The following COL4A2 variants were observed in gnomAD, a reference collection of about 807,000 sequenced individuals.
The protein encoded by COL4A2 is collagen type IV alpha 2 chain.
A neutral mutation model predicts 200.2 loss-of-function variants in COL4A2; 99 were observed. That is an observed-to-expected ratio of 0.49 (90% CI 0.42 to 0.58). The LOEUF (loss-of-function observed/expected upper bound fraction) is 0.58. COL4A2 is among the 20% of genes least tolerant of loss of function. The probability of loss-of-function intolerance (pLI) is 0.00; values close to 1 mark genes in which losing one functional copy is unlikely to be tolerated. For missense variants in COL4A2, 1,950 were observed against 2,314.1 expected (o/e 0.84, Z 3.23); for synonymous variants, 897 against 900.6 (o/e 1.00, Z 0.07).
In COL4A2 at chr13:110,307,642, T is replaced by G; in HGVS notation, c.-45+114T>G. 2 of 548,554 alleles carry G rather than the reference T, an allele frequency of 3.6e-6. No individual in the cohort carries two copies. Among genetic ancestry groups the G allele is most frequent in the East Asian group, 3.0e-5 (1 of 33,322 alleles). 34.0% of individuals were successfully genotyped at this position (548,554 alleles called of 1,614,324 possible). On this transcript the variant is annotated intron_variant, in intron 1 of 47. Transcript: ENST00000360467. The surrounding 1 kb of genome is among the most constrained non-coding windows in gnomAD (Gnocchi z 5.0). ...TGCTTGGGAGTAGAAAGGGGGAGGG[T>G]GGGAGAGCGAAGACCGAGCTCCTCG...
chr13:110,424,598 G>T, intron 4 of COL4A2, 136 bp from the exon 5 acceptor site: 2 of 533,642 alleles, frequency 3.7e-6, no homozygotes, highest in Non-Finnish European at 6.6e-6. Context: ...GTAGATGATA[G>T]TTTACATATA....
At chr13:110,486,582 G>C (rs115542960) in intron 34 of COL4A2, among the ~76,000 whole-genome samples, 3,096 of 152,326 alleles carry the variant, frequency 0.02, 102 homozygotes, top group African/African-American at 0.069. Context: ...GAAGGTCTGG[G>C]CCCCTTGATG....
rs1349161442 is a variant in COL4A2 at position 110,465,412 on chromosome 13, G to C, written c.1784G>C (p.Gly595Ala). Reference protein sequence around the residue: ...FPGLPGPPGDGIKGPPGDPGY... With the variant: ...FPGLPGPPGDAIKGPPGDPGY... ...AACTGAATTTTCACACAGGGTGATG[G>C]CATCAAGGGCCCTCCAGGGGACCCA... Residue 595 changes from glycine to alanine, a missense_variant, in exon 25 of 48, where the codon GGC (glycine) becomes GCC (alanine). Gly to Ala is a moderately conservative substitution (Grantham distance 60). Around this residue, in one of 2 missense-constraint regions of COL4A2, gnomAD observed 1,385 missense variants for 1,720.5 expected, o/e 0.80. Transcript: ENST00000360467. 9 of 1,605,598 alleles carry C rather than the reference G, an allele frequency of 5.6e-6. No homozygotes were observed. The highest frequency in any genetic ancestry group is 1.1e-5 in the South Asian group (1 of 89,562).
At chr13:110,495,539 G>C in intron 40 of COL4A2, 72 bp downstream of exon 40, 2 of 1,553,312 alleles carry the variant, frequency 1.3e-6, no homozygotes, top group Non-Finnish European at 1.7e-6. Flanking sequence ...GGGCCATGGA[G>C]TGTCTATGGG....
At chr13:110,468,180 T>C (rs1435896788) in intron 27 of COL4A2, 1 of 471,180 alleles carries the variant, frequency 2.1e-6, no homozygotes, top group East Asian at 7.0e-5. Context: ...GTCTTCGGAG[T>C]GCACCGTGAT....
intron 4 of COL4A2, among the ~76,000 whole-genome samples, chr13:110,366,961 A>G (rs1877782816): frequency 6.6e-6 from 1 of 152,114 alleles, no homozygotes; most frequent in Non-Finnish European, 1.5e-5. Context: ...CAGAGGTCTG[A>G]CTCACCTGGG....
intron 3 of COL4A2, among the ~76,000 whole-genome samples, chr13:110,320,503 GA>G (rs1363069067): frequency 6.6e-6 from 1 of 152,128 alleles, no homozygotes. Context: ...TTTAATCCAA[GA>G]ATTCTTTACT....
At position 110,469,199 on chromosome 13, in the gene COL4A2, G is replaced by C; in HGVS notation, c.2096-18G>C. 6.4e-7 allele frequency: 1 copy of C among 1,569,274 alleles called. No individual in the cohort carries two copies. Among genetic ancestry groups the C allele is most frequent in the Non-Finnish European group, 8.7e-7 (1 of 1,155,814 alleles). On this transcript the variant is annotated intron_variant, in intron 27 of 47. Transcript: ENST00000360467. ...CTCGTGGAGCCTGATGTGGTTTGTGGTTTATTTGGTTATTTAGGTGCCAAA... is the reference window on the plus strand; with the variant it reads ...CTCGTGGAGCCTGATGTGGTTTGTGCTTTATTTGGTTATTTAGGTGCCAAA...
chr13:110,318,342 ATC>A (rs1461232919), intron 3 of COL4A2, among the ~76,000 whole-genome samples: 1 of 152,178 alleles, frequency 6.6e-6, no homozygotes, highest in East Asian at 1.9e-4. Context: ...TTGTCCAAAT[ATC>A]TGACCCAACT....
intron 4 of COL4A2, among the ~76,000 whole-genome samples, chr13:110,400,796 C>T (rs1269119577): frequency 1.3e-5 from 2 of 152,196 alleles, no homozygotes; most frequent in Non-Finnish European, 2.9e-5. Context: ...CCCACGTACA[C>T]ATATTCTGGT....
intron 27 of COL4A2, chr13:110,468,073 G>A (rs1042707650): frequency 4.7e-5 from 21 of 447,776 alleles, no homozygotes; most frequent in Non-Finnish European, 6.6e-5. Flanking sequence ...ACTGCTTCCC[G>A]TGATAAACTG....
At chr13:110,454,683 C>T (rs1881655692) in intron 20 of COL4A2, among the ~76,000 whole-genome samples, 1 of 152,128 alleles carries the variant, frequency 6.6e-6, no homozygotes, top group Admixed American at 6.5e-5. Context: ...CGACATCTCT[C>T]CCCTGAAGTC....
intron 3 of COL4A2, among the ~76,000 whole-genome samples, chr13:110,316,915 AAT>A (rs1167401066): frequency 7.9e-5 from 12 of 152,162 alleles, no homozygotes; most frequent in African/African-American, 2.4e-4. Context: ...ATATGTAGAA[AAT>A]ATGTTATCAA....
In COL4A2 at chr13:110,503,251, G is replaced by T. The variant is rs550468643; in HGVS notation, c.4008G>T (p.Arg1336Ser). The T allele has an allele frequency of 6.2e-7, 1 of 1,609,784 alleles. No homozygotes were observed. The highest frequency in any genetic ancestry group is 1.3e-5 in the African/African-American group (1 of 74,640). Residue 1336 changes from arginine (R) to serine (S), a missense_variant, in exon 42 of 48, where the codon AGG (arginine) becomes AGT (serine). Around this residue, in one of 2 missense-constraint regions of COL4A2, gnomAD observed 1,385 missense variants for 1,720.5 expected, o/e 0.80. Coordinates refer to ENST00000360467, the MANE Select transcript of COL4A2 (RefSeq NM_001846.4). ...GWAGDSGPQG[R>S]PGVFGLPGEK... ...CCGGGGACTCCGGGCCCCAGGGCAGGCCTGGTGTGTTTGGTCTCCCAGGAG... is the reference window on the plus strand; with the variant it reads ...CCGGGGACTCCGGGCCCCAGGGCAGTCCTGGTGTGTTTGGTCTCCCAGGAG...
At chr13:110,424,652 T>A (rs1467789417) in intron 4 of COL4A2, 82 bp from the exon 5 acceptor site, 183 of 774,486 alleles carry the variant, frequency 2.4e-4, no homozygotes, top group Admixed American at 5.4e-4. Flanking sequence ...AAAAAAAAAA[T>A]GTAGTTTTGA....
intron 37 of COL4A2, among the ~76,000 whole-genome samples, chr13:110,491,700 T>TGC (rs1883289851): frequency 6.6e-6 from 1 of 152,196 alleles, no homozygotes; most frequent in Admixed American, 6.5e-5. Context: ...GACAGTGGGC[T>TGC]GGCTTCCCAC....
At chr13:110,386,533 C>A (rs1878759234) in intron 4 of COL4A2, among the ~76,000 whole-genome samples, 1 of 152,102 alleles carries the variant, frequency 6.6e-6, no homozygotes, top group Non-Finnish European at 1.5e-5. Flanking sequence ...AATGAAAATA[C>A]TCATAGGTTT....
chr13:110,365,701 C>CCG (rs1338603396), intron 4 of COL4A2, among the ~76,000 whole-genome samples: 2 of 152,324 alleles, frequency 1.3e-5, no homozygotes, highest in East Asian at 3.9e-4. Context: ...CCATTGCAGC[C>CCG]CCTGCTGCTG....
chr13:110,334,012 GC>G (rs1311029995), intron 3 of COL4A2, among the ~76,000 whole-genome samples: 1 of 152,226 alleles, frequency 6.6e-6, no homozygotes, highest in African/African-American at 2.4e-5. Flanking sequence ...GGACTTGGGT[GC>G]TGGCCCCATG....
Sources: gnomAD v4.1 joint callset for allele counts (sites outside exome capture counted in the v4.1 genomes callset) on GRCh38, gnomAD v4.1.1 for gene constraint, gnomAD v4.1.1 regional missense constraint, Gnocchi (gnomAD v3.1) non-coding constraint, MANE v1.5 for transcripts, NCBI Gene and HGNC (gene_info 2026-07-23, HGNC 2026-07-21) for gene names.